Variants in ZCCHC2 observed in about 807,000 individuals in gnomAD.
ZCCHC2 encodes the protein zinc finger CCHC domain-containing protein 2.
Under a neutral mutation model 103.6 loss-of-function variants are expected in ZCCHC2, and 39 were observed. That is an observed-to-expected ratio of 0.38 (90% CI 0.29 to 0.49). ZCCHC2 has a LOEUF of 0.49. ZCCHC2 is among the 20% of genes least tolerant of loss of function. ZCCHC2 has a pLI of 0.96. For synonymous variants in ZCCHC2, 687 were observed against 608.9 expected, an observed-to-expected ratio of 1.13 and a Z score of -1.89; for missense variants, 1,483 against 1,491.0, an observed-to-expected ratio of 0.99 and a Z score of 0.09.
intron 4 of ZCCHC2, among the ~76,000 whole-genome samples, chr18:62,549,167 C>T (rs559280603): frequency 4.0e-5 from 6 of 151,786 alleles, no homozygotes; most frequent in South Asian, 2.1e-4. Context: ...TGCAGTGAGC[C>T]GAGATCGCGC....
At chr18:62,564,726 A>T in intron 10 of ZCCHC2, 91 bp downstream of exon 10, 1 of 996,628 alleles carries the variant, frequency 1.0e-6, no homozygotes, top group African/African-American at 1.6e-5. Context: ...TTTTTTAGTT[A>T]GTTTTCTTTA....
Position 62,574,769 on chromosome 18 carries a change from C to G in ZCCHC2, c.2688C>G (p.Thr896=). 6.2e-7 allele frequency: 1 copy of G among 1,614,006 alleles called. No individual in the cohort carries two copies. Among genetic ancestry groups the G allele is most frequent in the East Asian group, 2.2e-5 (1 of 44,890 alleles). Residue 896 remains threonine, a synonymous_variant, in exon 13 of 14, where the codon ACC becomes ACG. Coordinates refer to ENST00000269499, the MANE Select transcript of ZCCHC2 (RefSeq NM_017742.6). ...EGNTGTVPQP[T]NVKVVLPAAG... ...ACACAGGGACAGTCCCTCAGCCTAC[C>G]AATGTGAAGGTAGTTCTTCCAGCAG...
At chr18:62,580,544 CCGAGACGG>C (rs1191336497), downstream of ZCCHC2, among the ~76,000 whole-genome samples, 1,057 of 141,870 alleles carry the variant, frequency 7.5e-3, 74 homozygotes, top group African/African-American at 0.014. Context: ...TGGACCCCTC[CCGAGACGG>C]TGTCACAGTG....
At chr18:62,540,543 G>A (rs976322656) in intron 2 of ZCCHC2, among the ~76,000 whole-genome samples, 1 of 150,422 alleles carries the variant, frequency 6.6e-6, no homozygotes, top group Non-Finnish European at 1.5e-5. Flanking sequence ...TTTATATAAT[G>A]ACCACTTCTA....
chr18:62,574,379 T>G lies in ZCCHC2; in HGVS notation c.2298T>G (p.Asn766Lys). The change falls in exon 13 of 14, where the codon AAT becomes AAG. Residue 766 changes from asparagine (N) to lysine (K), a missense_variant. Transcript: ENST00000269499. Reference sequence around the variant, plus strand: ...TTTCTGCAATAAGGGAGTCTGCAAATTCAACCCCTGTTGGAATACTAGGGC... The same window carrying G: ...TTTCTGCAATAAGGGAGTCTGCAAAGTCAACCCCTGTTGGAATACTAGGGC... ...VAISAIRESA[N>K]STPVGILGPT... 2 of 1,613,982 alleles carry G rather than the reference T, an allele frequency of 1.2e-6. No homozygotes were observed. Among genetic ancestry groups the G allele is most frequent in the Non-Finnish European group, 1.7e-6 (2 of 1,179,896 alleles).
chr18:62,537,058 G>T (rs562229733), intron 1 of ZCCHC2, among the ~76,000 whole-genome samples: 1 of 152,048 alleles, frequency 6.6e-6, no homozygotes, highest in Non-Finnish European at 1.5e-5. Context: ...CATTAAGTAC[G>T]TTCCCGTTGT....
In ZCCHC2 at chr18:62,574,242, A is replaced by C. The variant is rs148361803; in HGVS notation, c.2161A>C (p.Thr721Pro). ...PKYQHISFMP[T>P]LHCVMHNGAQ... Reference sequence around the variant, plus strand: ...GTATCAGCATATTTCTTTTATGCCAACGTTACACTGTGTCATGCACAATGG... The same window carrying C: ...GTATCAGCATATTTCTTTTATGCCACCGTTACACTGTGTCATGCACAATGG... Residue 721 changes from threonine (T) to proline (P), a missense_variant, in exon 13 of 14, where the codon ACG becomes CCG. By Grantham distance (38) the Thr-to-Pro change is conservative (BLOSUM62 -1). Coordinates refer to ENST00000269499, the MANE Select transcript of ZCCHC2 (RefSeq NM_017742.6). The C allele has an allele frequency of 2.5e-6, 4 of 1,613,952 alleles. No individual in the cohort carries two copies. The highest frequency in any genetic ancestry group is 3.3e-5 in the Admixed American group (2 of 60,014).
chr18:62,568,655 C>G (rs577790946), intron 11 of ZCCHC2, among the ~76,000 whole-genome samples: 1 of 152,176 alleles, frequency 6.6e-6, no homozygotes, highest in East Asian at 1.9e-4. Flanking sequence ...CTATAGTCTA[C>G]TGTAGTTTCA....
chr18:62,525,813 G>A (rs1026258355), intron 1 of ZCCHC2: 2 of 151,952 alleles, frequency 1.3e-5, no homozygotes, highest in Non-Finnish European at 2.9e-5. Context: ...TGTGCTGATG[G>A]TAAAAGCCTC....
At chr18:62,576,375 G>A (rs1249452208) in intron 13 of ZCCHC2, 137 bp from the exon 14 acceptor site, 21 of 639,338 alleles carry the variant, frequency 3.3e-5, no homozygotes, top group East Asian at 2.6e-4. Context: ...TAAAGTGAGC[G>A]GATTGGCCAT....
rs952752799 is a variant in ZCCHC2 at position 62,523,310 on chromosome 18, C to G, written c.-115C>G. On this transcript the variant is annotated 5_prime_UTR_variant, in exon 1 of 14. Coordinates refer to ENST00000269499, the MANE Select transcript of ZCCHC2 (RefSeq NM_017742.6). Reference sequence around the variant, plus strand: ...CCCGCCCCCGGCCCCGGCCCTCCCCCGGCGGCATGGAGGGGCCCCGCTCCT... The same window carrying G: ...CCCGCCCCCGGCCCCGGCCCTCCCCGGGCGGCATGGAGGGGCCCCGCTCCT... 2.1e-6 allele frequency: 2 copies of G among 973,282 alleles called. No individual in the cohort carries two copies. The highest frequency in any genetic ancestry group is 3.5e-5 in the African/African-American group (2 of 56,696). 60.3% of individuals were successfully genotyped at this position (973,282 alleles called of 1,614,324 possible). A position where few individuals can be genotyped will look rare whatever the true frequency, so the allele number is the denominator to read the frequency against.
At chr18:62,566,532 C>T (rs1214759427) in intron 11 of ZCCHC2, among the ~76,000 whole-genome samples, 4 of 152,306 alleles carry the variant, frequency 2.6e-5, no homozygotes, top group Admixed American at 6.5e-5. Flanking sequence ...CATACTGCTG[C>T]CGTGTTTGTT....
downstream of ZCCHC2, among the ~76,000 whole-genome samples, chr18:62,583,148 T>C (rs1003655013): frequency 6.6e-6 from 1 of 151,878 alleles, no homozygotes; most frequent in Non-Finnish European, 1.5e-5. Flanking sequence ...CAGGTTTGGG[T>C]AGGAGTGATG....
intron 8 of ZCCHC2, 31 bp downstream of exon 8, chr18:62,560,675 C>G (rs1361243207): frequency 6.4e-7 from 1 of 1,563,480 alleles, no homozygotes; most frequent in Non-Finnish European, 8.8e-7. Flanking sequence ...ACAAAAAGTG[C>G]TTTGGTATGT....
At chr18:62,563,725 A>T (rs991680223) in intron 9 of ZCCHC2, among the ~76,000 whole-genome samples, 1 of 152,350 alleles carries the variant, frequency 6.6e-6, no homozygotes, top group South Asian at 2.1e-4. Flanking sequence ...AAAGGTGTAC[A>T]TCAGATTGTT....
intron 12 of ZCCHC2, among the ~76,000 whole-genome samples, chr18:62,572,639 C>T (rs1405474615): frequency 6.6e-6 from 1 of 152,122 alleles, no homozygotes; most frequent in Admixed American, 6.6e-5. Context: ...GGGCTTTACA[C>T]TTACCGAAAT....
At chr18:62,529,299 G>A (rs1309417812) in intron 1 of ZCCHC2, among the ~76,000 whole-genome samples, 1 of 152,148 alleles carries the variant, frequency 6.6e-6, no homozygotes, top group Non-Finnish European at 1.5e-5. Context: ...TGTTGTTGGG[G>A]CAGTGGGTGC....
intron 8 of ZCCHC2, 132 bp downstream of exon 8, chr18:62,560,776 T>C: frequency 4.2e-6 from 3 of 713,846 alleles, no homozygotes; most frequent in Non-Finnish European, 6.7e-6. Flanking sequence ...CTTCACTTTT[T>C]CTGTTTCCTT....
intron 5 of ZCCHC2, among the ~76,000 whole-genome samples, chr18:62,555,873 AGTT>A (rs944584864): frequency 6.6e-6 from 1 of 152,102 alleles, no homozygotes; most frequent in African/African-American, 2.4e-5. Context: ...AAGAAATTGC[AGTT>A]GTTTTTCTGA....
Sources: allele counts gnomAD v4.1 joint callset (sites outside exome capture counted in the v4.1 genomes callset), GRCh38; gene constraint gnomAD v4.1.1; transcripts MANE v1.5; gene names NCBI Gene and HGNC (gene_info 2026-07-23, HGNC 2026-07-21).